LAMA3: variants seen among roughly 807,000 people sequenced by gnomAD.
LAMA3 encodes the protein laminin subunit alpha-3.
LAMA3 carries 281 observed loss-of-function variants against 402.0 expected under a neutral mutation model. The observed-to-expected ratio is 0.70, with a 90% confidence interval of 0.63 to 0.77. LAMA3 has a LOEUF of 0.77. Ranked by LOEUF, LAMA3 falls within the 30% of genes least tolerant of loss-of-function variation. LAMA3 has a pLI of 0.00. For missense variants in LAMA3, 3,840 were observed against 4,215.5 expected, an observed-to-expected ratio of 0.91 and a Z score of 2.47; for synonymous variants, 1,431 against 1,558.4, an observed-to-expected ratio of 0.92 and a Z score of 1.93.
chr18:23,904,005 A>G lies in LAMA3; in HGVS notation c.6391A>G (p.Arg2131Gly), dbSNP rs756637220. Residue 2131 changes from arginine (R) to glycine (G), a missense_variant, in exon 50 of 75, where the codon AGA becomes GGA. Physicochemically the swap from Arg to Gly is moderately radical, Grantham distance 125. Coordinates refer to ENST00000313654, the MANE Select transcript of LAMA3 (RefSeq NM_198129.4). ...ELSDKVRELS[R>G]SAGKTSLVEE... ...AAGTGACAAAGTAAGAGAACTTTCC[A>G]GATCTGCTGGCAAAACATCCCTTGT... 1.9e-6 allele frequency: 3 copies of G among 1,614,050 alleles called. No individual in the cohort carries two copies. The highest frequency in any genetic ancestry group is 1.1e-5 in the South Asian group (1 of 91,084).
intron 5 of LAMA3, among the ~76,000 whole-genome samples, chr18:23,752,663 T>C (rs757380005): frequency 2.6e-5 from 4 of 152,178 alleles, no homozygotes; most frequent in Non-Finnish European, 5.9e-5. Flanking sequence ...CTGGTAATAC[T>C]GACTTTATCT....
intron 22 of LAMA3, 126 bp from the exon 23 acceptor site, chr18:23,827,187 GT>G: frequency 1.4e-5 from 14 of 1,026,302 alleles, no homozygotes; most frequent in Non-Finnish European, 2.1e-5. Flanking sequence ...CTTAATAAGA[GT>G]TTATTGAAGG....
rs111783935 is a variant in LAMA3, at chr18:23,851,957, TA to T, written c.4136+4301del. Among the ~76,000 whole-genome samples, 226 of 147,844 alleles carry T rather than the reference TA, an allele frequency of 1.5e-3. 3 individuals are homozygous for T. The highest frequency in any genetic ancestry group is 5.5e-3 in the East Asian group (28 of 5,068). On this transcript the variant is annotated intron_variant, in intron 32 of 74. Coordinates refer to ENST00000313654, the MANE Select transcript of LAMA3 (RefSeq NM_198129.4). Reference sequence around the variant, plus strand: ...TTTCAAGCCATTTCTCCCTTTGGGTTAAAAAAAAAAAATTCTACTTAATGAT... The same window carrying T: ...TTTCAAGCCATTTCTCCCTTTGGGTTAAAAAAAAAAATTCTACTTAATGAT...
rs563490583 is a variant in LAMA3 at position 23,935,681 on chromosome 18, A to T, written c.8862+1746A>T. 4.6e-5 allele frequency among the ~76,000 whole-genome samples: 7 copies of T among 152,316 alleles called. No homozygotes were observed. In the South Asian group the frequency reaches 1.2e-3, roughly 27 times the overall value. The stretch of plus-strand genomic sequence containing the variant: ...TGAAGATAAATAATGGTAATACCTC[A>T]TGATGTTGATGTGAGGATTAAATGA... On this transcript the variant is annotated intron_variant, in intron 67 of 74. Coordinates refer to ENST00000313654, the MANE Select transcript of LAMA3 (RefSeq NM_198129.4).
chr18:23,847,948 C>CT (rs1489478312), intron 32 of LAMA3, among the ~76,000 whole-genome samples: 1 of 152,230 alleles, frequency 6.6e-6, no homozygotes, highest in Non-Finnish European at 1.5e-5. Context: ...GGACTGTGTT[C>CT]TGTGTGTGCC....
At chr18:23,905,915 C>T (rs2081233353) in intron 52 of LAMA3, among the ~76,000 whole-genome samples, 1 of 152,050 alleles carries the variant, frequency 6.6e-6, no homozygotes, top group African/African-American at 2.4e-5. Flanking sequence ...CAGGCGTGCA[C>T]CACCATGCCC....
intron 67 of LAMA3, among the ~76,000 whole-genome samples, chr18:23,935,045 T>C (rs1000656510): frequency 2.0e-5 from 3 of 152,240 alleles, no homozygotes; most frequent in Non-Finnish European, 4.4e-5. Context: ...ATATATTCAC[T>C]TTTTCATTGT....
At chr18:23,814,163 T>C (rs1369451379) in intron 14 of LAMA3, among the ~76,000 whole-genome samples, 1 of 152,236 alleles carries the variant, frequency 6.6e-6, no homozygotes, top group African/African-American at 2.4e-5. Context: ...TCTTTCTCCT[T>C]ATTTTCCAGT....
At chr18:23,750,518 A>G (rs1237351697) in intron 4 of LAMA3, among the ~76,000 whole-genome samples, 1 of 122,700 alleles carries the variant, frequency 8.1e-6, no homozygotes, top group East Asian at 2.6e-4. Context: ...TTTCAACCTC[A>G]TGTAGATTTT....
chr18:23,762,516 G>C (rs1854670474), intron 7 of LAMA3, among the ~76,000 whole-genome samples: 1 of 151,592 alleles, frequency 6.6e-6, no homozygotes, highest in Non-Finnish European at 1.5e-5. Context: ...TTGAACCCAG[G>C]AGGCAGAGGT....
intron 2 of LAMA3, among the ~76,000 whole-genome samples, chr18:23,738,305 G>C (rs527598948): frequency 1.3e-5 from 2 of 151,988 alleles, no homozygotes; most frequent in Non-Finnish European, 2.9e-5. Context: ...AGAAGGCAGG[G>C]AAGTGCAATC....
At chr18:23,742,535 C>T (rs2061580961) in intron 2 of LAMA3, among the ~76,000 whole-genome samples, 1 of 152,040 alleles carries the variant, frequency 6.6e-6, no homozygotes, top group South Asian at 2.1e-4. Context: ...ATTTCTTAGA[C>T]ATGAAAATGT....
chr18:23,909,581 CTG>C (rs1429484895), intron 55 of LAMA3, among the ~76,000 whole-genome samples: 1 of 152,216 alleles, frequency 6.6e-6, no homozygotes, highest in African/African-American at 2.4e-5. Flanking sequence ...AGTTTGTAAA[CTG>C]TAATTGCACA....
chr18:23,844,954 C>T, intron 29 of LAMA3, 55 bp from the exon 30 acceptor site: 9 of 994,582 alleles, frequency 9.0e-6, no homozygotes, highest in South Asian at 9.0e-5. Context: ...AATAAGTAGC[C>T]TTAGGTCTGT....
At chr18:23,773,394 A>G in intron 8 of LAMA3, 103 bp from the exon 9 acceptor site, 1 of 792,364 alleles carries the variant, frequency 1.3e-6, no homozygotes, top group Non-Finnish European at 2.2e-6. Context: ...CTTCAAAATT[A>G]CAATTGTATA....
rs770556631 is a variant in LAMA3 at position 23,750,929 on chromosome 18, C to G, written c.696C>G (p.Ser232=). 4 of 1,613,952 alleles carry G rather than the reference C, an allele frequency of 2.5e-6. No individual in the cohort carries two copies. In the South Asian group the frequency reaches 4.4e-5, roughly 18 times the overall value. ...TGTGGTCATTTTAGGTTGTGGTGTC[C>G]TTGATAAACGGTCGTCCAGGTGCAA... ...VPLENGEVVV[S]LINGRPGAKN... is the part of the protein sequence containing the mutation. The change falls in exon 5 of 75, where the codon TCC becomes TCG. Residue 232 remains serine, a synonymous_variant. Transcript: ENST00000313654.
intron 1 of LAMA3, among the ~76,000 whole-genome samples, chr18:23,697,457 T>C (rs565635516): frequency 6.6e-6 from 1 of 152,244 alleles, no homozygotes; most frequent in South Asian, 2.1e-4. Context: ...TTCTGGGGGC[T>C]CCCTTATCAG....
At chr18:23,751,162 CT>C (rs764485944) in intron 5 of LAMA3, 74 bp downstream of exon 5, 4 of 1,411,024 alleles carry the variant, frequency 2.8e-6, no homozygotes, top group Admixed American at 1.7e-5. Flanking sequence ...TTGCCTTGAA[CT>C]CTTTTAAGTA....
intron 41 of LAMA3, among the ~76,000 whole-genome samples, chr18:23,886,437 T>G (rs1305760064): frequency 1.3e-5 from 2 of 152,110 alleles, no homozygotes; most frequent in Non-Finnish European, 2.9e-5. Flanking sequence ...ATCCAGAGGT[T>G]AGAGACCAAC....
Sources: gnomAD v4.1 joint callset for allele counts (sites outside exome capture counted in the v4.1 genomes callset) on GRCh38, gnomAD v4.1.1 for gene constraint, MANE v1.5 for transcripts, NCBI Gene and HGNC (gene_info 2026-07-23, HGNC 2026-07-21) for gene names.